The following ZNF708 variants were observed in gnomAD, a reference collection of about 807,000 sequenced individuals.
ZNF708 encodes the protein ZNF15, ZNF15L1.
ZNF708 carries 44 observed loss-of-function variants against 47.0 expected under a neutral mutation model. That is an observed-to-expected ratio of 0.94 (90% CI 0.74 to 1.20). The LOEUF is 1.20. Ranked by LOEUF, ZNF708 falls within the 50% of genes most tolerant of loss-of-function variation. The pLI, the probability that ZNF708 is intolerant of heterozygous loss-of-function variation, is 0.00. For synonymous variants in ZNF708, 184 were observed against 218.5 expected (o/e 0.84, Z 1.39); for missense variants, 557 against 656.0 (o/e 0.85, Z 1.65).
At chr19:21,314,411 G>T (rs1972963099) in intron 1 of ZNF708, among the ~76,000 whole-genome samples, 1 of 151,972 alleles carries the variant, frequency 6.6e-6, no homozygotes, top group Non-Finnish European at 1.5e-5. Flanking sequence ...CAAGATAAAA[G>T]AAATCAAAAA....
Position 21,294,301 on chromosome 19 carries a change from T to C in ZNF708, c.665A>G (p.Lys222Arg). The change falls in exon 4 of 4, where the codon AAA (lysine) becomes AGA (arginine). Residue 222 changes from lysine to arginine, a missense_variant. By Grantham distance (26) the Lys-to-Arg change is conservative. Coordinates refer to ENST00000356929, the MANE Select transcript of ZNF708 (RefSeq NM_021269.3). Reference sequence around the variant, plus strand: ...TCCACATTCTTCACATTTGTAGGGTTTCTCTCCAGTATGAATTATCTTATG... The same window carrying C: ...TCCACATTCTTCACATTTGTAGGGTCTCTCTCCAGTATGAATTATCTTATG... Reference protein sequence around the residue: ...TNHKIIHTGEKPYKCEECGKA... With the variant: ...TNHKIIHTGERPYKCEECGKA... The C allele has an allele frequency of 6.2e-7, 1 of 1,613,196 alleles. No individual in the cohort carries two copies. The highest frequency in any genetic ancestry group is 8.5e-7 in the Non-Finnish European group (1 of 1,179,844).
At chr19:21,327,815 CTG>C (rs1016550110) in intron 1 of ZNF708, 1 of 200,538 alleles carries the variant, frequency 5.0e-6, no homozygotes, top group Non-Finnish European at 1.0e-5. Flanking sequence ...CTGACCAGCA[CTG>C]TGTCTCCAAG....
intron 3 of ZNF708, among the ~76,000 whole-genome samples, chr19:21,304,851 C>CAA (rs1196510285): frequency 6.6e-6 from 1 of 152,028 alleles, no homozygotes; most frequent in Non-Finnish European, 1.5e-5. Flanking sequence ...ACAGCCTGGG[C>CAA]AACAGAGTAA....
At position 21,292,663 on chromosome 19, in the gene ZNF708, A is replaced by G. The variant is rs1972419268; in HGVS notation, c.*611T>C. 6.5e-6 allele frequency: 1 copy of G among 152,756 alleles called. No individual in the cohort carries two copies. Among genetic ancestry groups the G allele is most frequent in the Non-Finnish European group, 1.5e-5 (1 of 68,400 alleles). 9.5% of individuals were successfully genotyped at this position (152,756 alleles called of 1,614,324 possible). On this transcript the variant is annotated 3_prime_UTR_variant, in exon 4 of 4. Coordinates refer to ENST00000356929, the MANE Select transcript of ZNF708 (RefSeq NM_021269.3). Reference sequence around the variant, plus strand: ...TTGTCTTCAAAATAAATACTTTAAAAGCTTATATTTTCTGAAATACTTTTT... The same window carrying G: ...TTGTCTTCAAAATAAATACTTTAAAGGCTTATATTTTCTGAAATACTTTTT...
At chr19:21,310,940 T>A (rs1479944353) in intron 1 of ZNF708, among the ~76,000 whole-genome samples, 1 of 152,224 alleles carries the variant, frequency 6.6e-6, no homozygotes, top group African/African-American at 2.4e-5. Flanking sequence ...ACAGAATGAC[T>A]TGTGTATATT....
intron 3 of ZNF708, among the ~76,000 whole-genome samples, chr19:21,297,279 T>TACA (rs1972556416): frequency 2.9e-4 from 7 of 24,156 alleles, no homozygotes; most frequent in South Asian, 2.2e-3. Flanking sequence ...TATTTTTTTT[T>TACA]TTTTTTTTTT....
At chr19:21,312,598 C>T (rs2968062) in intron 1 of ZNF708, among the ~76,000 whole-genome samples, 12 of 152,294 alleles carry the variant, frequency 7.9e-5, no homozygotes, top group African/African-American at 2.6e-4. Context: ...ACCACTTAGC[C>T]AAGCATTGCC....
At position 21,303,867 on chromosome 19, in the gene ZNF708, T is replaced by G. The variant is rs116512320; in HGVS notation, c.226+5379A>C. ...CAATTTACCAGGAATCTATAACTAT[T>G]ATATCTCTCTCTATATATGTATGTA... is the stretch of plus-strand genomic sequence containing the variant. On this transcript the variant is annotated intron_variant, in intron 3 of 3. Transcript: ENST00000356929. 2.9e-3 allele frequency among the ~76,000 whole-genome samples: 443 copies of G among 152,092 alleles called. 3 individuals carry two copies. The highest frequency in any genetic ancestry group is 9.9e-3 in the African/African-American group (413 of 41,540).
chr19:21,310,553 C>A lies in ZNF708; in HGVS notation c.78G>T (p.Gln26His). ...EEWQCLDTAQQNLYRNVMLEN... is the reference protein window; with the variant it reads ...EEWQCLDTAQHNLYRNVMLEN... The stretch of plus-strand genomic sequence containing the variant: ...CTAACATGACATTCCTATATAAATT[C>A]TGCTGTGCTGTGTCCAGGCACTGCC... The change falls in exon 2 of 4, where the codon CAG (glutamine) becomes CAT (histidine). Residue 26 changes from glutamine to histidine, a missense_variant. By Grantham distance (24) the Gln-to-His change is conservative. Transcript: ENST00000356929. 1 of 1,500,922 alleles carries A rather than the reference C, an allele frequency of 6.7e-7. No individual in the cohort carries two copies. Among genetic ancestry groups the A allele is most frequent in the South Asian group, 1.4e-5 (1 of 70,962 alleles). 93.0% of individuals were successfully genotyped at this position (1,500,922 alleles called of 1,614,324 possible).
intron 1 of ZNF708, chr19:21,318,773 C>T (rs1018623812): frequency 2.0e-5 from 3 of 152,056 alleles, no homozygotes; most frequent in Admixed American, 1.3e-4. Context: ...GTGAGCTTGC[C>T]GCATAACTAA....
chr19:21,312,387 C>T (rs1459613590), intron 1 of ZNF708, among the ~76,000 whole-genome samples: 1 of 151,934 alleles, frequency 6.6e-6, no homozygotes, highest in African/African-American at 2.4e-5. Context: ...TCACTTGAAC[C>T]TGGCAGGCAG....
rs147761154 is a variant in ZNF708, at chr19:21,296,105, C to T, written c.227-1366G>A. 2.6e-4 allele frequency among the ~76,000 whole-genome samples: 40 copies of T among 151,804 alleles called. No individual in the cohort carries two copies. In the East Asian group the frequency reaches 7.4e-3, roughly 28 times the overall value. On this transcript the variant is annotated intron_variant, in intron 3 of 3. Transcript: ENST00000356929. ...TTTATAAAAATGTCTTATGAGATAA[C>T]CAGTAACTTTTCAAAAAAAACTGGA... is the stretch of plus-strand genomic sequence containing the variant.
At chr19:21,324,108 G>A (rs1043941710) in intron 1 of ZNF708, among the ~76,000 whole-genome samples, 7 of 152,036 alleles carry the variant, frequency 4.6e-5, no homozygotes, top group African/African-American at 1.7e-4. Context: ...GTCGGGCGTG[G>A]TGGCGGGCAC....
chr19:21,297,951 C>A (rs1972572765), intron 3 of ZNF708, among the ~76,000 whole-genome samples: 1 of 126,132 alleles, frequency 7.9e-6, no homozygotes, highest in African/African-American at 3.1e-5. Flanking sequence ...TTACTGGGAA[C>A]AAATGACTAG....
At chr19:21,316,997 G>C (rs2145179226) in intron 1 of ZNF708, among the ~76,000 whole-genome samples, 1 of 152,018 alleles carries the variant, frequency 6.6e-6, no homozygotes, top group East Asian at 1.9e-4. Context: ...ATGTTGGTCA[G>C]GCTGGTCTCG....
intron 1 of ZNF708, among the ~76,000 whole-genome samples, chr19:21,320,648 G>A (rs770205656): frequency 2.0e-5 from 3 of 149,904 alleles, no homozygotes; most frequent in Non-Finnish European, 3.0e-5. Context: ...AGCAGTCATC[G>A]CACCACTGCA....
chr19:21,329,353 G>C lies in ZNF708; in HGVS notation c.-141C>G. ...GACCGGAGCTCCGGCTGCAGCAAGA[G>C]ACAAAGGCCGCGCCAAACCCGGAAG... On this transcript the variant is annotated 5_prime_UTR_variant, in exon 1 of 4. Coordinates refer to ENST00000356929, the MANE Select transcript of ZNF708 (RefSeq NM_021269.3). The C allele has an allele frequency of 2.2e-6, 3 of 1,356,512 alleles. No homozygotes were observed. Among genetic ancestry groups the C allele is most frequent in the Non-Finnish European group, 3.1e-6 (3 of 970,762 alleles). The allele number at this position is 1,356,512 out of a possible 1,614,324, so 84.0% of individuals were successfully genotyped here. A position where few individuals can be genotyped will look rare whatever the true frequency, so the allele number is the denominator to read the frequency against.
intron 2 of ZNF708, 103 bp downstream of exon 2, chr19:21,310,398 T>C (rs1972871725): frequency 2.2e-6 from 1 of 453,494 alleles, no homozygotes; most frequent in African/African-American, 2.2e-5. Context: ...TGAGCCAAGA[T>C]TGCGCCACTG....
intron 1 of ZNF708, among the ~76,000 whole-genome samples, chr19:21,313,882 G>A (rs2145175219): frequency 6.6e-6 from 1 of 151,930 alleles, no homozygotes; most frequent in South Asian, 2.1e-4. Context: ...TTTGTGACTT[G>A]TGGAACAACT....
Sources: gnomAD v4.1 joint callset for allele counts (sites outside exome capture counted in the v4.1 genomes callset) on GRCh38, gnomAD v4.1.1 for gene constraint, MANE v1.5 for transcripts, NCBI Gene and HGNC (gene_info 2026-07-23, HGNC 2026-07-21) for gene names.